The following CADPS variants were observed in gnomAD, a reference collection of about 807,000 sequenced individuals.
The protein encoded by CADPS is calcium dependent secretion activator.
CADPS carries 57 observed loss-of-function variants against 167.3 expected under a neutral mutation model. The observed-to-expected ratio is 0.34, with a 90% CI of 0.28 to 0.42. The LOEUF is 0.42. Ranked by LOEUF, CADPS falls within the 20% of genes least tolerant of loss-of-function variation. The probability of loss-of-function intolerance (pLI) is 1.00; values close to 1 mark genes in which losing one functional copy is unlikely to be tolerated. For missense variants in CADPS, 1,414 were observed against 1,738.1 expected, an observed-to-expected ratio of 0.81 and a Z score of 3.32; for synonymous variants, 676 against 635.3, an observed-to-expected ratio of 1.06 and a Z score of -0.96.
intron 10 of CADPS, among the ~76,000 whole-genome samples, chr3:62,552,216 C>T (rs1021228724): frequency 2.7e-5 from 3 of 112,418 alleles, no homozygotes; most frequent in Admixed American, 2.7e-4. Flanking sequence ...CATCACACAC[C>T]GGGACCTGTT....
At chr3:62,685,485 G>A (rs866348649) in intron 3 of CADPS, among the ~76,000 whole-genome samples, 7 of 152,020 alleles carry the variant, frequency 4.6e-5, no homozygotes, top group Non-Finnish European at 7.4e-5. Flanking sequence ...TAATCCTAAC[G>A]TTTCAGTTTG....
chr3:62,473,597 T>C (rs2060886466), intron 24 of CADPS: 2 of 152,190 alleles, frequency 1.3e-5, no homozygotes, highest in Admixed American at 6.5e-5. Context: ...AATACTGCTT[T>C]GGAATTGCAA....
chr3:62,770,562 A>C (rs28672153), intron 1 of CADPS, among the ~76,000 whole-genome samples: 2,657 of 152,112 alleles, frequency 0.017, 77 homozygotes, highest in African/African-American at 0.059. Context: ...AGTAGCTGGG[A>C]TTACAGGCAA....
chr3:62,799,302 C>T (rs2093628249), intron 1 of CADPS, among the ~76,000 whole-genome samples: 1 of 152,122 alleles, frequency 6.6e-6, no homozygotes, highest in South Asian at 2.1e-4. Context: ...CCGAGGGTGC[C>T]TCTGTCCAGT....
chr3:62,746,956 G>C (rs1199927776), intron 3 of CADPS, among the ~76,000 whole-genome samples: 2 of 152,130 alleles, frequency 1.3e-5, no homozygotes, highest in African/African-American at 4.8e-5. Context: ...CTGTTACACG[G>C]CCAAGACAAC....
chr3:62,852,721 G>A (rs1272783010), intron 1 of CADPS, among the ~76,000 whole-genome samples: 1 of 152,100 alleles, frequency 6.6e-6, no homozygotes, highest in Non-Finnish European at 1.5e-5. Flanking sequence ...GAAAATTCCA[G>A]GAACATTATC....
intron 6 of CADPS, among the ~76,000 whole-genome samples, chr3:62,614,377 C>G (rs1207647659): frequency 6.6e-6 from 1 of 152,178 alleles, no homozygotes; most frequent in African/African-American, 2.4e-5. Context: ...GAATCCACTG[C>G]AGGATCACAG....
At chr3:62,734,164 C>T (rs888172515) in intron 3 of CADPS, among the ~76,000 whole-genome samples, 19 of 152,068 alleles carry the variant, frequency 1.2e-4, no homozygotes, top group African/African-American at 4.1e-4. Context: ...CACAGTTTGA[C>T]GAATTTTTAC....
intron 3 of CADPS, among the ~76,000 whole-genome samples, chr3:62,751,968 A>G (rs1020570400): frequency 3.7e-4 from 57 of 152,234 alleles, no homozygotes; most frequent in African/African-American, 1.3e-3. Flanking sequence ...GCTGAGTTTG[A>G]GCAAGCACAG....
At chr3:62,766,013 T>C (rs1477776327) in intron 1 of CADPS, 29 bp from the exon 2 acceptor site, 1 of 1,485,996 alleles carries the variant, frequency 6.7e-7, no homozygotes, top group Non-Finnish European at 9.4e-7. Flanking sequence ...GAGGGAAATG[T>C]GAGAACTTGT....
At chr3:62,683,897 C>A (rs1383018399) in intron 3 of CADPS, among the ~76,000 whole-genome samples, 2 of 151,936 alleles carry the variant, frequency 1.3e-5, no homozygotes, top group Non-Finnish European at 2.9e-5. Flanking sequence ...AAGCGAAGAG[C>A]CATTCTCAAT....
chr3:62,757,605 A>G lies in CADPS; in HGVS notation c.556-3832T>C, dbSNP rs531849324. Among the ~76,000 whole-genome samples the G allele has an allele frequency of 1.4e-3, 219 of 152,324 alleles. 3 individuals carry two copies. The highest frequency in any genetic ancestry group is 1.4e-3 in the Non-Finnish European group (95 of 68,038). ...ATTGGTCTCTTAAAACAAGAGACTT[A>G]GGCTAGATTTTCCATGGGGCCTGAT... On this transcript the variant is annotated intron_variant, in intron 2 of 29. Transcript: ENST00000383710.
At chr3:62,490,746 T>C (rs535829776) in intron 21 of CADPS, among the ~76,000 whole-genome samples, 1 of 152,164 alleles carries the variant, frequency 6.6e-6, no homozygotes, top group African/African-American at 2.4e-5. Flanking sequence ...AGGTTTTTTT[T>C]AAAAAGGTGC....
At chr3:62,786,825 G>C (rs2092482208) in intron 1 of CADPS, among the ~76,000 whole-genome samples, 1 of 151,974 alleles carries the variant, frequency 6.6e-6, no homozygotes. Context: ...ATAATAACAA[G>C]AGATCGACAC....
At chr3:62,718,503 C>T (rs2075119677) in intron 3 of CADPS, among the ~76,000 whole-genome samples, 1 of 152,150 alleles carries the variant, frequency 6.6e-6, no homozygotes, top group South Asian at 2.1e-4. Flanking sequence ...TTCTTGTCTT[C>T]TGTAGCATAG....
At chr3:62,826,470 T>C (rs2074058519) in intron 1 of CADPS, among the ~76,000 whole-genome samples, 1 of 152,176 alleles carries the variant, frequency 6.6e-6, no homozygotes, top group Non-Finnish European at 1.5e-5. Flanking sequence ...GTCTTATGTC[T>C]TACAACTGTA....
At chr3:62,486,003 G>A (rs1376985555) in intron 21 of CADPS, among the ~76,000 whole-genome samples, 1 of 152,146 alleles carries the variant, frequency 6.6e-6, no homozygotes, top group Non-Finnish European at 1.5e-5. Flanking sequence ...TTGTCTATTT[G>A]ACACCAGGCC....
At chr3:62,704,633 A>G (rs2082007007) in intron 3 of CADPS, among the ~76,000 whole-genome samples, 1 of 152,108 alleles carries the variant, frequency 6.6e-6, no homozygotes, top group Non-Finnish European at 1.5e-5. Flanking sequence ...CTGAAGTTGA[A>G]GTTATCATCA....
intron 6 of CADPS, among the ~76,000 whole-genome samples, chr3:62,626,768 T>C (rs893101055): frequency 2.0e-5 from 3 of 152,190 alleles, no homozygotes; most frequent in Non-Finnish European, 2.9e-5. Context: ...CAGAACAAGA[T>C]GCCTTTTAAA....
Sources: allele counts gnomAD v4.1 joint callset (sites outside exome capture counted in the v4.1 genomes callset), GRCh38; gene constraint gnomAD v4.1.1; transcripts MANE v1.5; gene names NCBI Gene and HGNC (gene_info 2026-07-23, HGNC 2026-07-21).